Variants in DOT1L observed in about 807,000 individuals in gnomAD.
DOT1L encodes the protein DOT1 like histone lysine methyltransferase, also known as histone-lysine N-methyltransferase, H3 lysine-79 specific.
A neutral mutation model predicts 153.3 loss-of-function variants in DOT1L; 33 were observed. The observed-to-expected ratio is 0.22, with a 90% CI of 0.16 to 0.29. The LOEUF (loss-of-function observed/expected upper bound fraction) is 0.29, where lower values mean the gene tolerates loss of function less well. DOT1L is among the 10% of genes least tolerant of loss of function. The probability of loss-of-function intolerance (pLI) is 1.00; values close to 1 mark genes in which losing one functional copy is unlikely to be tolerated. For missense variants in DOT1L, 1,847 were observed against 2,119.9 expected, an observed-to-expected ratio of 0.87 and a Z score of 2.53; for synonymous variants, 1,135 against 965.1, an observed-to-expected ratio of 1.18 and a Z score of -3.26.
At chr19:2,174,819 A>C (rs933886915) in intron 1 of DOT1L, among the ~76,000 whole-genome samples, 85 of 151,412 alleles carry the variant, frequency 5.6e-4, no homozygotes, top group Non-Finnish European at 4.3e-4. Context: ...CTTTTTTTGA[A>C]GAGATGAGGG....
chr19:2,228,184 G>A (rs1178084328), intron 27 of DOT1L: 4 of 1,365,040 alleles, frequency 2.9e-6, no homozygotes, highest in East Asian at 9.1e-5. Context: ...AAGGGCGCCC[G>A]CCCCTCCTTC....
intron 7 of DOT1L, among the ~76,000 whole-genome samples, chr19:2,196,374 C>G (rs1443236577): frequency 6.6e-6 from 1 of 152,310 alleles, no homozygotes; most frequent in East Asian, 1.9e-4. Flanking sequence ...GTTCTGTCGC[C>G]CAGGCTGGAG....
Position 2,229,989 on chromosome 19 carries a change from T to TA in DOT1L, c.*200dup, listed in dbSNP as rs1568378567. 1.3e-6 allele frequency: 1 copy of TA among 785,960 alleles called. No individual in the cohort carries two copies. Among genetic ancestry groups the TA allele is most frequent in the Non-Finnish European group, 2.0e-6 (1 of 503,514 alleles). The allele number at this position is 785,960 out of a possible 1,614,324, so 48.7% of individuals were successfully genotyped here. On this transcript the variant is annotated 3_prime_UTR_variant, in exon 28 of 28. Transcript: ENST00000398665. The stretch of plus-strand genomic sequence containing the variant: ...AGTTTGTACTGTCGATAGTTTTAGA[T>TA]AAAGTATTTATCATTTTTTAAAAAG...
intron 1 of DOT1L, among the ~76,000 whole-genome samples, chr19:2,164,982 GTCT>G (rs1489223794): frequency 6.6e-6 from 1 of 152,216 alleles, no homozygotes. Context: ...AGTAAATTTT[GTCT>G]TCTTCATCTT....
At position 2,222,755 on chromosome 19, in the gene DOT1L, C is replaced by G; in HGVS notation, c.3390+196C>G. ...CTCTACCAAAAATACAAAAGATTAG[C>G]CGGGCGTGGTGGCGGGTGCCTGGGA... On this transcript the variant is annotated intron_variant, in intron 24 of 27. Transcript: ENST00000398665. The surrounding 1 kb of genome is among the most constrained non-coding windows in gnomAD (Gnocchi z 6.5). 1 of 604,570 alleles carries G rather than the reference C, an allele frequency of 1.7e-6. No homozygotes were observed. Among genetic ancestry groups the G allele is most frequent in the South Asian group, 2.6e-5 (1 of 38,096 alleles). The allele number at this position is 604,570 out of a possible 1,614,324, so 37.5% of individuals were successfully genotyped here. A position where few individuals can be genotyped will look rare whatever the true frequency, so the allele number is the denominator to read the frequency against.
chr19:2,221,846 C>A, intron 23 of DOT1L, 130 bp from the exon 24 acceptor site: 1 of 994,404 alleles, frequency 1.0e-6, no homozygotes, highest in Non-Finnish European at 1.4e-6. Flanking sequence ...CGTTTTCAGA[C>A]TCCCAACCCC....
At position 2,216,522 on chromosome 19, in the gene DOT1L, T is replaced by A; in HGVS notation, c.2165T>A (p.Leu722His). The A allele has an allele frequency of 6.2e-7, 1 of 1,612,154 alleles. No individual in the cohort carries two copies. The highest frequency in any genetic ancestry group is 8.5e-7 in the Non-Finnish European group (1 of 1,179,914). ...SMNGQAAGYE[L>H]CGVLSRPSSK... ...AACGGCCAGGCTGCTGGCTATGAGC[T>A]CTGCGGTGTGCTGAGCCGGCCTTCG... is the stretch of plus-strand genomic sequence containing the variant. The change falls in exon 20 of 28, where the codon CTC becomes CAC. Residue 722 changes from leucine (L) to histidine (H), a missense_variant. Physicochemically the swap from Leu to His is moderately conservative, Grantham distance 99. This residue lies in a region of DOT1L where 281 missense variants were observed against 263.6 expected (regional missense o/e 1.07). Transcript: ENST00000398665.
chr19:2,207,461 G>T lies in DOT1L; in HGVS notation c.857-113G>T. 1.2e-6 allele frequency: 1 copy of T among 853,820 alleles called. No individual in the cohort carries two copies. The highest frequency in any genetic ancestry group is 2.6e-5 in the East Asian group (1 of 38,404). The allele number at this position is 853,820 out of a possible 1,614,324, so 52.9% of individuals were successfully genotyped here. A position where few individuals can be genotyped will look rare whatever the true frequency, so the allele number is the denominator to read the frequency against. On this transcript the variant is annotated intron_variant, in intron 10 of 27. Transcript: ENST00000398665. The surrounding 1 kb of genome is among the most constrained non-coding windows in gnomAD (Gnocchi z 4.5). The stretch of plus-strand genomic sequence containing the variant: ...TGGCCTGACGCAGTGTGGGAGAAGA[G>T]GGAAGACGCGCAGCTCAGGCTTCTG...
chr19:2,200,267 G>A (rs924904069), intron 8 of DOT1L, among the ~76,000 whole-genome samples: 2 of 151,608 alleles, frequency 1.3e-5, no homozygotes, highest in African/African-American at 4.8e-5. Context: ...GCTTGGTCTG[G>A]GGGTCTTCCT....
Position 2,216,655 on chromosome 19 carries a change from A to G in DOT1L, c.2298A>G (p.Leu766=), listed in dbSNP as rs2023914380. 1 of 1,604,922 alleles carries G rather than the reference A, an allele frequency of 6.2e-7. No individual in the cohort carries two copies. The highest frequency in any genetic ancestry group is 8.5e-7 in the Non-Finnish European group (1 of 1,179,900). The change falls in exon 20 of 28, where the codon CTA becomes CTG. Residue 766 remains leucine (L), a synonymous_variant. Transcript: ENST00000398665. ...CGCGCCTGGAGAAGCTGTCTGGCCT[A>G]GCCGCACCCGACTACACTAGGCTGT... ...GRPRLEKLSG[L]AAPDYTRLSP... is the part of the protein sequence containing the mutation.
intron 1 of DOT1L, among the ~76,000 whole-genome samples, chr19:2,167,434 A>G (rs1276590061): frequency 6.6e-6 from 1 of 152,176 alleles, no homozygotes; most frequent in African/African-American, 2.4e-5. Context: ...CCAGTGCTCC[A>G]TTGTAAATAG....
chr19:2,167,460 G>C (rs561021581), intron 1 of DOT1L, among the ~76,000 whole-genome samples: 1 of 152,250 alleles, frequency 6.6e-6, no homozygotes, highest in Non-Finnish European at 1.5e-5. Flanking sequence ...GCGAGAGCTG[G>C]CGGGAGCGGG....
Position 2,208,485 on chromosome 19 carries a change from A to ATGG in DOT1L, c.964-447_964-445dup, listed in dbSNP as rs1168651277. Among the ~76,000 whole-genome samples, 1 of 152,236 alleles carries ATGG rather than the reference A, an allele frequency of 6.6e-6. No individual in the cohort carries two copies. The highest frequency in any genetic ancestry group is 1.5e-5 in the Non-Finnish European group (1 of 67,986). The stretch of plus-strand genomic sequence containing the variant: ...CCCCGAGGGCCCTGGGACGAGAGGC[A>ATGG]TGGTGAGCTGAGGCTGAGGCTCTGG... On this transcript the variant is annotated intron_variant, in intron 11 of 27. Transcript: ENST00000398665. This position sits in a 1 kb window ranked among gnomAD's most constrained non-coding sequence, Gnocchi z 4.4.
intron 1 of DOT1L, among the ~76,000 whole-genome samples, chr19:2,165,388 G>C (rs2019874003): frequency 6.6e-6 from 1 of 152,200 alleles, no homozygotes; most frequent in Admixed American, 6.5e-5. Flanking sequence ...CCCCGGGTCG[G>C]TGCGAGTGGA....
chr19:2,171,910 G>T (rs1468667112), intron 1 of DOT1L, among the ~76,000 whole-genome samples: 2 of 152,206 alleles, frequency 1.3e-5, no homozygotes, highest in African/African-American at 4.8e-5. Context: ...AGAAAAGAAG[G>T]GGCGGCTTTT....
intron 3 of DOT1L, among the ~76,000 whole-genome samples, chr19:2,189,463 C>G (rs1001624734): frequency 6.6e-6 from 1 of 152,230 alleles, no homozygotes; most frequent in Non-Finnish European, 1.5e-5. Flanking sequence ...CGGCTTTGCG[C>G]GGGAGCCTGG....
At chr19:2,227,265 G>A (rs1364750609) in intron 27 of DOT1L, 138 bp downstream of exon 27, 1 of 1,135,220 alleles carries the variant, frequency 8.8e-7, no homozygotes, top group Non-Finnish European at 1.3e-6. Context: ...CCCGCCATCC[G>A]TGCACGGTGG....
intron 22 of DOT1L, 134 bp downstream of exon 22, chr19:2,218,052 C>A: frequency 7.6e-7 from 1 of 1,313,838 alleles, no homozygotes; most frequent in Non-Finnish European, 1.0e-6. Context: ...TCAAGGTGGG[C>A]TGTCCAAAGC....
chr19:2,218,555 G>A (rs1400946052), intron 22 of DOT1L, among the ~76,000 whole-genome samples: 4 of 151,046 alleles, frequency 2.6e-5, no homozygotes, highest in South Asian at 2.1e-4. Context: ...CACCACGCCT[G>A]GCTAATTTTT....
Sources: allele counts gnomAD v4.1 joint callset (sites outside exome capture counted in the v4.1 genomes callset), GRCh38; gene constraint gnomAD v4.1.1; regional missense constraint gnomAD v4.1.1; non-coding constraint Gnocchi (gnomAD v3.1); transcripts MANE v1.5; gene names NCBI Gene and HGNC (gene_info 2026-07-23, HGNC 2026-07-21).